KCNQ5: variants seen among roughly 807,000 people sequenced by gnomAD.
KCNQ5 encodes the protein potassium voltage-gated channel subfamily Q member 5, also known as potassium voltage-gated channel subfamily KQT member 5.
In KCNQ5, 30 loss-of-function variants were observed where a neutral mutation model predicts 98.2. That is an observed-to-expected ratio of 0.31 (90% confidence interval 0.23 to 0.41). The LOEUF (loss-of-function observed/expected upper bound fraction) is 0.41. KCNQ5 is among the 10% of genes least tolerant of loss of function. KCNQ5 has a pLI of 1.00. For missense variants in KCNQ5, 835 were observed against 1,182.5 expected, an observed-to-expected ratio of 0.71 and a Z score of 4.31; for synonymous variants, 458 against 449.4, an observed-to-expected ratio of 1.02 and a Z score of -0.24.
chr6:73,060,870 T>A (rs1772747273), intron 3 of KCNQ5, among the ~76,000 whole-genome samples: 1 of 152,178 alleles, frequency 6.6e-6, no homozygotes, highest in South Asian at 2.1e-4. Flanking sequence ...CACACTTTAT[T>A]GATGAGACTG....
chr6:73,077,242 G>A (rs1773577222), intron 3 of KCNQ5, 80 bp from the exon 4 acceptor site: 12 of 1,385,936 alleles, frequency 8.7e-6, no homozygotes, highest in Non-Finnish European at 1.0e-5. Flanking sequence ...AGGTCAAAGT[G>A]AACCTTTTGG....
intron 1 of KCNQ5, among the ~76,000 whole-genome samples, chr6:72,845,009 T>C (rs1267663397): frequency 6.6e-6 from 1 of 152,210 alleles, no homozygotes; most frequent in Non-Finnish European, 1.5e-5. Flanking sequence ...AAACTATAAT[T>C]GCAACTGCCA....
intron 2 of KCNQ5, among the ~76,000 whole-genome samples, chr6:73,037,770 G>A: frequency 6.6e-6 from 1 of 152,074 alleles, no homozygotes; most frequent in East Asian, 1.9e-4. Context: ...CTTGATTACT[G>A]GAGCTATAAT....
intron 1 of KCNQ5, among the ~76,000 whole-genome samples, chr6:72,831,866 C>A (rs1298100185): frequency 2.6e-5 from 4 of 151,404 alleles, no homozygotes; most frequent in Non-Finnish European, 4.4e-5. Context: ...GGTGTGTGGG[C>A]CTGATTTCAG....
intron 1 of KCNQ5, among the ~76,000 whole-genome samples, chr6:72,794,245 C>T (rs989979484): frequency 5.3e-5 from 8 of 151,962 alleles, no homozygotes; most frequent in African/African-American, 1.9e-4. Context: ...CCACTTTTAG[C>T]TATGGGGTTG....
rs540893063 is a variant in KCNQ5 at position 72,698,883 on chromosome 6, T to C, written c.398+76296T>C. Among the ~76,000 whole-genome samples the C allele has an allele frequency of 3.9e-5, 6 of 152,118 alleles. No individual in the cohort carries two copies. The South Asian group carries it at 1.2e-3, about 32-fold the overall frequency. On this transcript the variant is annotated intron_variant, in intron 1 of 13. Transcript: ENST00000370398. ...TGTGTTGCCCAGGCTGGTCTCAAAC[T>C]TATTGCCTCAAGCTGTCATCCTGCC...
chr6:73,142,420 A>T (rs550810036), intron 10 of KCNQ5, among the ~76,000 whole-genome samples: 5 of 151,588 alleles, frequency 3.3e-5, no homozygotes, highest in African/African-American at 7.3e-5. Context: ...CCTCTCCGTT[A>T]CCTACCTGCC....
intron 2 of KCNQ5, among the ~76,000 whole-genome samples, chr6:73,007,067 C>T (rs540428343): frequency 4.6e-5 from 7 of 152,226 alleles, no homozygotes; most frequent in Admixed American, 1.3e-4. Context: ...TAAGGACTTT[C>T]GCTGTCCATC....
chr6:72,736,484 A>C (rs1469968971), intron 1 of KCNQ5, among the ~76,000 whole-genome samples: 1 of 149,312 alleles, frequency 6.7e-6, no homozygotes, highest in African/African-American at 2.5e-5. Context: ...AATTATGCTT[A>C]CATGTAAAAA....
intron 1 of KCNQ5, among the ~76,000 whole-genome samples, chr6:72,937,057 AAAC>A (rs1263156776): frequency 2.6e-5 from 4 of 152,260 alleles, no homozygotes; most frequent in African/African-American, 9.6e-5. Context: ...TAACTTATAA[AAAC>A]AACTATTCAT....
Position 73,077,205 on chromosome 6 carries a change from C to T in KCNQ5, c.617-117C>T, listed in dbSNP as rs1324753614. 4 of 997,518 alleles carry T rather than the reference C, an allele frequency of 4.0e-6. No homozygotes were observed. The Admixed American group carries it at 9.2e-5, about 23-fold the overall frequency. 61.8% of individuals were successfully genotyped at this position (997,518 alleles called of 1,614,324 possible). A position where few individuals can be genotyped will look rare whatever the true frequency, so the allele number is the denominator to read the frequency against. ...AGTGGCACTAGGTGCAGCTGGGAAT[C>T]AAGATCTGTTTATCTGTACCTTAAA... On this transcript the variant is annotated intron_variant, in intron 3 of 13. Transcript: ENST00000370398.
At chr6:73,025,017 T>C (rs1043031034) in intron 2 of KCNQ5, among the ~76,000 whole-genome samples, 1 of 152,242 alleles carries the variant, frequency 6.6e-6, no homozygotes, top group Non-Finnish European at 1.5e-5. Flanking sequence ...ATAGGTATTA[T>C]GTCCCTAACT....
chr6:73,016,611 G>A (rs2150335309), intron 2 of KCNQ5, among the ~76,000 whole-genome samples: 1 of 152,256 alleles, frequency 6.6e-6, no homozygotes, highest in East Asian at 1.9e-4. Context: ...AGAGTAATAG[G>A]ATGGGGGACA....
At chr6:72,707,964 A>T (rs561055730) in intron 1 of KCNQ5, among the ~76,000 whole-genome samples, 1 of 152,286 alleles carries the variant, frequency 6.6e-6, no homozygotes, top group East Asian at 1.9e-4. Flanking sequence ...GTTTACAGGC[A>T]TGAGCCACTG....
At chr6:72,688,943 A>G (rs1483707981) in intron 1 of KCNQ5, among the ~76,000 whole-genome samples, 10 of 152,214 alleles carry the variant, frequency 6.6e-5, no homozygotes, top group Non-Finnish European at 1.2e-4. Context: ...AAAACAGAGC[A>G]CATGTTAAAG....
chr6:72,912,602 T>A (rs1779985564), intron 1 of KCNQ5, among the ~76,000 whole-genome samples: 1 of 152,210 alleles, frequency 6.6e-6, no homozygotes, highest in South Asian at 2.1e-4. Flanking sequence ...TTTTTCTGAA[T>A]CTGGCATTCT....
intron 1 of KCNQ5, among the ~76,000 whole-genome samples, chr6:72,649,405 C>T (rs567982201): frequency 6.6e-6 from 1 of 152,198 alleles, no homozygotes; most frequent in African/African-American, 2.4e-5. Context: ...AGGCACATTA[C>T]CTTAGATAAA....
At chr6:73,175,609 C>G (rs1287200619) in intron 11 of KCNQ5, among the ~76,000 whole-genome samples, 1 of 152,200 alleles carries the variant, frequency 6.6e-6, no homozygotes, top group Non-Finnish European at 1.5e-5. Flanking sequence ...TTCCCTCTCC[C>G]TCCCTGACCC....
At chr6:73,081,593 A>G (rs1773771410) in intron 5 of KCNQ5, among the ~76,000 whole-genome samples, 1 of 152,200 alleles carries the variant, frequency 6.6e-6, no homozygotes, top group South Asian at 2.1e-4. Context: ...ACGGAAATCT[A>G]CCAACAGTAT....
Sources: allele counts gnomAD v4.1 joint callset (sites outside exome capture counted in the v4.1 genomes callset), GRCh38; gene constraint gnomAD v4.1.1; transcripts MANE v1.5; gene names NCBI Gene and HGNC (gene_info 2026-07-23, HGNC 2026-07-21).